The following RAD18 variants were observed in gnomAD, a reference collection of about 807,000 sequenced individuals.
RAD18 encodes RAD18 E3 ubiquitin protein ligase.
RAD18 carries 47 observed loss-of-function variants against 60.4 expected under a neutral mutation model. The ratio of observed to expected loss-of-function variants is 0.78; its 90% CI spans 0.62 to 0.99. The LOEUF is 0.99. RAD18 is among the 50% of genes least tolerant of loss of function. The pLI, the probability that RAD18 is intolerant of heterozygous loss-of-function variation, is 0.00. For synonymous variants in RAD18, 225 were observed against 195.5 expected, an observed-to-expected ratio of 1.15 and a Z score of -1.26; for missense variants, 640 against 593.3, an observed-to-expected ratio of 1.08 and a Z score of -0.82.
At chr3:8,881,972 A>G (rs773535864) in intron 12 of RAD18, among the ~76,000 whole-genome samples, 3 of 152,186 alleles carry the variant, frequency 2.0e-5, no homozygotes, top group Non-Finnish European at 4.4e-5. Context: ...AGATTTTCCT[A>G]ATTTCTTAAA....
chr3:8,913,950 C>T (rs142675614), intron 7 of RAD18, among the ~76,000 whole-genome samples: 35 of 110,052 alleles, frequency 3.2e-4, no homozygotes, highest in African/African-American at 9.4e-4. Context: ...TGCTGTTCAA[C>T]GTATAACCAC....
At chr3:8,895,372 A>C (rs1939766196) in intron 11 of RAD18, among the ~76,000 whole-genome samples, 1 of 152,250 alleles carries the variant, frequency 6.6e-6, no homozygotes, top group South Asian at 2.1e-4. Context: ...TCATTGACTT[A>C]CAGTAAGATA....
At chr3:8,905,069 C>T (rs1305823695) in intron 9 of RAD18, among the ~76,000 whole-genome samples, 1 of 152,196 alleles carries the variant, frequency 6.6e-6, no homozygotes. Flanking sequence ...TAACATTGTT[C>T]CCACTTACTT....
At chr3:8,955,206 A>G (rs867954228) in intron 2 of RAD18, among the ~76,000 whole-genome samples, 1 of 152,166 alleles carries the variant, frequency 6.6e-6, no homozygotes, top group Non-Finnish European at 1.5e-5. Context: ...AAAGGTCTGG[A>G]CTAGTACCAC....
chr3:8,920,294 A>G (rs913797847), intron 7 of RAD18, among the ~76,000 whole-genome samples: 8 of 151,524 alleles, frequency 5.3e-5, no homozygotes, highest in African/African-American at 1.2e-4. Flanking sequence ...AAAAAAAAAA[A>G]AAAAGAAAAA....
In RAD18 at chr3:8,878,036, G is replaced by A. The variant is rs1238279550; in HGVS notation, c.*3321C>T. The stretch of plus-strand genomic sequence containing the variant: ...GCACTTGGCAGGTTTGCATCTTGGG[G>A]CTATATCGGGGATGGCGTCCTAGGC... On this transcript the variant is annotated 3_prime_UTR_variant, in exon 13 of 13. Transcript: ENST00000264926. 6.6e-6 allele frequency: 1 copy of A among 152,448 alleles called. No homozygotes were observed. The highest frequency in any genetic ancestry group is 1.5e-5 in the Non-Finnish European group (1 of 68,280). 9.4% of individuals were successfully genotyped at this position (152,448 alleles called of 1,614,324 possible).
intron 9 of RAD18, among the ~76,000 whole-genome samples, chr3:8,905,178 A>G (rs1055862115): frequency 1.3e-5 from 2 of 152,350 alleles, no homozygotes; most frequent in African/African-American, 4.8e-5. Context: ...TCCTCTTAAA[A>G]GTTTTAAGTG....
chr3:8,935,783 C>T, intron 7 of RAD18, 88 bp downstream of exon 7: 1 of 1,203,066 alleles, frequency 8.3e-7, no homozygotes, highest in South Asian at 1.8e-5. Flanking sequence ...TATTTATTTA[C>T]AATATTTTTC....
intron 7 of RAD18, among the ~76,000 whole-genome samples, chr3:8,928,499 T>G (rs1940489351): frequency 6.6e-6 from 1 of 152,136 alleles, no homozygotes; most frequent in Admixed American, 6.5e-5. Flanking sequence ...GCTGCTATAC[T>G]CATATCAGAT....
chr3:8,901,858 G>A (rs925097883), intron 10 of RAD18, among the ~76,000 whole-genome samples: 5 of 152,264 alleles, frequency 3.3e-5, no homozygotes, highest in Middle Eastern at 3.4e-3. Flanking sequence ...ATTTTCTTGC[G>A]CACTTTCCCC....
intron 6 of RAD18, 58 bp downstream of exon 6, chr3:8,939,496 A>G: frequency 7.2e-7 from 1 of 1,391,392 alleles, no homozygotes; most frequent in Non-Finnish European, 1.0e-6. Flanking sequence ...TTTTCCCCCA[A>G]GTAAGCACAA....
At chr3:8,910,162 C>T (rs1240208439) in intron 9 of RAD18, among the ~76,000 whole-genome samples, 2 of 152,038 alleles carry the variant, frequency 1.3e-5, no homozygotes, top group Admixed American at 1.3e-4. Context: ...AGGGGTGGCC[C>T]TAGGAGAGAC....
intron 7 of RAD18, among the ~76,000 whole-genome samples, chr3:8,926,430 C>T (rs1355464443): frequency 2.6e-5 from 4 of 152,152 alleles, no homozygotes; most frequent in Non-Finnish European, 5.9e-5. Flanking sequence ...AATGGAAGAA[C>T]ATTCCATGCT....
intron 3 of RAD18, 78 bp downstream of exon 3, chr3:8,948,431 C>T (rs1574825929): frequency 3.1e-6 from 4 of 1,291,948 alleles, no homozygotes; most frequent in Non-Finnish European, 3.3e-6. Context: ...CCTATATATA[C>T]ACAGGCTTTT....
At chr3:8,907,306 G>A (rs1006259816) in intron 9 of RAD18, among the ~76,000 whole-genome samples, 3 of 146,514 alleles carry the variant, frequency 2.0e-5, no homozygotes, top group Non-Finnish European at 4.4e-5. Context: ...TTAGGTAGGA[G>A]AATAAATGAA....
chr3:8,922,322 A>G (rs1336581417), intron 7 of RAD18, among the ~76,000 whole-genome samples: 1 of 152,192 alleles, frequency 6.6e-6, no homozygotes, highest in Non-Finnish European at 1.5e-5. Context: ...TCCTACGCCC[A>G]CAGAGCCTCG....
intron 2 of RAD18, among the ~76,000 whole-genome samples, chr3:8,951,336 A>G (rs937395425): frequency 3.9e-5 from 6 of 152,210 alleles, no homozygotes; most frequent in Admixed American, 6.5e-5. Flanking sequence ...AGTGCACCGA[A>G]ATATTTAGTG....
At chr3:8,919,627 C>T (rs773388662) in intron 7 of RAD18, among the ~76,000 whole-genome samples, 4 of 152,176 alleles carry the variant, frequency 2.6e-5, no homozygotes, top group South Asian at 2.1e-4. Flanking sequence ...TATATATGCA[C>T]ATATATGCAT....
rs369740496 is a variant in RAD18 at position 8,904,067 on chromosome 3, T to C, written c.1028-1547A>G. ...AATTCTTGTCTATAGATATGCAAAA[T>C]CCTGTTGGGTGGAGGTTCAATTGAC... On this transcript the variant is annotated intron_variant, in intron 9 of 12. Coordinates refer to ENST00000264926, the MANE Select transcript of RAD18 (RefSeq NM_020165.4). 1.1e-4 allele frequency among the ~76,000 whole-genome samples: 17 copies of C among 152,264 alleles called. No homozygotes were observed. In the East Asian group the frequency reaches 2.1e-3, roughly 19 times the overall value.
Sources: allele counts gnomAD v4.1 joint callset (sites outside exome capture counted in the v4.1 genomes callset), GRCh38; gene constraint gnomAD v4.1.1; transcripts MANE v1.5; gene names NCBI Gene and HGNC (gene_info 2026-07-23, HGNC 2026-07-21).